Variants in HERC4 observed in about 807,000 individuals in gnomAD.
The protein encoded by HERC4 is probable E3 ubiquitin-protein ligase HERC4.
In HERC4, 28 loss-of-function variants were observed where a neutral mutation model predicts 124.3. That is an observed-to-expected ratio of 0.23 (90% CI 0.17 to 0.31). HERC4 has a LOEUF of 0.31. Among genes scored for constraint, HERC4 ranks in the 10% least tolerant of loss-of-function variants. The pLI is 1.00. For synonymous variants in HERC4, 407 were observed against 421.5 expected (o/e 0.97, Z 0.42); for missense variants, 713 against 1,229.3 (o/e 0.58, Z 6.28).
chr10:67,926,424 A>AT (rs2030964508), intron 23 of HERC4, among the ~76,000 whole-genome samples: 1 of 149,304 alleles, frequency 6.7e-6, no homozygotes, highest in African/African-American at 2.4e-5. Context: ...AATAAAAAAA[A>AT]AAAAAAACAA....
chr10:68,060,036 T>C (rs1279512537), intron 3 of HERC4, among the ~76,000 whole-genome samples: 1 of 147,418 alleles, frequency 6.8e-6, no homozygotes, highest in African/African-American at 2.5e-5. Flanking sequence ...TCAGCTTTAA[T>C]TTCAACTTTG....
At position 67,988,663 on chromosome 10, in the gene HERC4, C is replaced by G; in HGVS notation, c.1806G>C (p.Arg602Ser). 1 of 1,542,228 alleles carries G rather than the reference C, an allele frequency of 6.5e-7. No homozygotes were observed. Among genetic ancestry groups the G allele is most frequent in the Non-Finnish European group, 8.8e-7 (1 of 1,135,074 alleles). ...AAAATAAAGGAATGATTGGACATAC[C>G]CTATGTAGTATTTCTAAAACCTTTA... ...TALKVLEILH[R>S]VNEKMGQIIQ... Residue 602 changes from arginine to serine, a missense_variant and splice_region_variant, in exon 15 of 25, where the codon AGG becomes AGC. Coordinates refer to ENST00000373700, the MANE Select transcript of HERC4 (RefSeq NM_015601.4).
chr10:67,941,380 ATAT>A (rs2032876501), intron 19 of HERC4, among the ~76,000 whole-genome samples: 1 of 152,156 alleles, frequency 6.6e-6, no homozygotes, highest in Admixed American at 6.5e-5. Context: ...AGACATAAGC[ATAT>A]TCATGTCATT....
chr10:67,970,808 T>A (rs1044576334), intron 15 of HERC4, among the ~76,000 whole-genome samples: 2 of 151,810 alleles, frequency 1.3e-5, no homozygotes, highest in Non-Finnish European at 2.9e-5. Context: ...ATGATCATAT[T>A]AGAAATAAAG....
chr10:67,952,196 C>A (rs2033840189), intron 19 of HERC4, among the ~76,000 whole-genome samples: 1 of 152,186 alleles, frequency 6.6e-6, no homozygotes, highest in Non-Finnish European at 1.5e-5. Flanking sequence ...TAATAACTCC[C>A]TTGCCTTTTA....
At chr10:68,067,459 T>C (rs887666448) in intron 3 of HERC4, among the ~76,000 whole-genome samples, 4 of 152,354 alleles carry the variant, frequency 2.6e-5, no homozygotes, top group Admixed American at 1.3e-4. Context: ...ATGAGCTTCT[T>C]TGGTTTAAAT....
chr10:68,049,525 A>T (rs1333138600), intron 3 of HERC4, among the ~76,000 whole-genome samples: 1 of 125,732 alleles, frequency 8.0e-6, no homozygotes, highest in Non-Finnish European at 1.6e-5. Flanking sequence ...CAGGAGGCAG[A>T]GGTTGCAGTG....
At chr10:68,040,503 T>C (rs997398295) in intron 4 of HERC4, 1 of 696,352 alleles carries the variant, frequency 1.4e-6, no homozygotes, top group Non-Finnish European at 1.8e-6. Flanking sequence ...ATAAATTTGT[T>C]AGAACTCATC....
chr10:68,072,719 C>T (rs1297258158), intron 3 of HERC4, among the ~76,000 whole-genome samples, 164 bp downstream of exon 3: 1 of 152,000 alleles, frequency 6.6e-6, no homozygotes, highest in Non-Finnish European at 1.5e-5. Context: ...ACATAAAGTA[C>T]TTAGAACCAT....
Position 67,992,719 on chromosome 10 carries a change from T to A in HERC4, c.1070-37A>T, listed in dbSNP as rs191397635. ...ATGTAAAAAATTAAAAGCCAAGATT[T>A]ACATAACATATTTCAGAGCATCAAT... is the stretch of plus-strand genomic sequence containing the variant. On this transcript the variant is annotated intron_variant, in intron 9 of 24. Transcript: ENST00000373700. The A allele has an allele frequency of 1.2e-3, 1,285 of 1,038,486 alleles. 2 individuals carry two copies. The highest frequency in any genetic ancestry group is 1.6e-3 in the Non-Finnish European group (1,127 of 695,742). The allele number at this position is 1,038,486 out of a possible 1,614,324, so 64.3% of individuals were successfully genotyped here.
chr10:67,923,126 A>G lies in HERC4; in HGVS notation c.2955T>C (p.Gly985=). Residue 985 remains glycine (G), a synonymous_variant, in exon 25 of 25, where the codon GGT becomes GGC. Coordinates refer to ENST00000373700, the MANE Select transcript of HERC4 (RefSeq NM_015601.4). ...TACCAAGAATAGGAATGCGATCACT[A>G]CCTGTCAAAAATACTGCCAAGAAAG... ...KKKQFLLFLT[G]SDRIPILGMK... is the part of the protein sequence containing the mutation. 1 of 1,612,418 alleles carries G rather than the reference A, an allele frequency of 6.2e-7. No individual in the cohort carries two copies. Among genetic ancestry groups the G allele is most frequent in the Non-Finnish European group, 8.5e-7 (1 of 1,179,366 alleles).
At chr10:67,946,372 C>CACAT (rs1429793140) in intron 19 of HERC4, among the ~76,000 whole-genome samples, 1 of 150,902 alleles carries the variant, frequency 6.6e-6, no homozygotes, top group African/African-American at 2.4e-5. Context: ...CACACACACA[C>CACAT]ACACACACAC....
chr10:67,960,885 C>G, intron 16 of HERC4: 1 of 303,732 alleles, frequency 3.3e-6, no homozygotes, highest in Non-Finnish European at 6.3e-6. Flanking sequence ...GATAAATAGA[C>G]TGGCAAGCCT....
At chr10:68,042,172 T>A (rs144297137) in intron 4 of HERC4, among the ~76,000 whole-genome samples, 25 of 152,218 alleles carry the variant, frequency 1.6e-4, no homozygotes, top group African/African-American at 5.1e-4. Context: ...CCTGCCTGGC[T>A]AATTTTTTGT....
In HERC4 at chr10:67,988,804, T is replaced by G. The variant is rs762635669; in HGVS notation, c.1665A>C (p.Leu555=). Residue 555 remains leucine (L), a synonymous_variant, in exon 15 of 25, where the codon CTA becomes CTC. Coordinates refer to ENST00000373700, the MANE Select transcript of HERC4 (RefSeq NM_015601.4). Reference sequence around the variant, plus strand: ...TAAAAAGTTCTACTATCTTGAGGAATAGTGGAGGTTCAAGTACTGACCACC... The same window carrying G: ...TAAAAAGTTCTACTATCTTGAGGAAGAGTGGAGGTTCAAGTACTGACCACC... The part of the protein sequence containing the change: ...ENWWSVLEPP[L]FLKIVELFKE... 5 of 1,605,620 alleles carry G rather than the reference T, an allele frequency of 3.1e-6. No homozygotes were observed. In the Admixed American group the frequency reaches 6.9e-5, roughly 22 times the overall value.
At chr10:67,971,653 A>ACCACCC (rs1417709904) in intron 15 of HERC4, among the ~76,000 whole-genome samples, 1 of 146,168 alleles carries the variant, frequency 6.8e-6, no homozygotes, top group Admixed American at 6.8e-5. Flanking sequence ...AACCCATCTA[A>ACCACCC]CCACCCCCAC....
intron 3 of HERC4, among the ~76,000 whole-genome samples, chr10:68,066,738 T>C (rs1300315819): frequency 6.6e-6 from 1 of 152,188 alleles, no homozygotes; most frequent in Admixed American, 6.5e-5. Context: ...CAAGGGGATA[T>C]ATACAATATA....
chr10:68,070,245 C>T lies in HERC4; in HGVS notation c.226+2638G>A, dbSNP rs899965657. On this transcript the variant is annotated intron_variant, in intron 3 of 24. Coordinates refer to ENST00000373700, the MANE Select transcript of HERC4 (RefSeq NM_015601.4). ...TTGGGGAAATGACACAAATCATTAACGAATTATTCCAAATATAAATAACTT... is the reference window on the plus strand; with the variant it reads ...TTGGGGAAATGACACAAATCATTAATGAATTATTCCAAATATAAATAACTT... The T allele has an allele frequency of 1.2e-5, 12 of 977,364 alleles. No homozygotes were observed. The East Asian group carries it at 6.8e-4, about 56-fold the overall frequency. 60.5% of individuals were successfully genotyped at this position (977,364 alleles called of 1,614,324 possible).
chr10:68,050,953 C>A (rs1411065585), intron 3 of HERC4, among the ~76,000 whole-genome samples: 1 of 152,040 alleles, frequency 6.6e-6, no homozygotes, highest in African/African-American at 2.4e-5. Context: ...CATGCCAAAT[C>A]TAACAGCTAA....
Sources: gnomAD v4.1 joint callset for allele counts (sites outside exome capture counted in the v4.1 genomes callset) on GRCh38, gnomAD v4.1.1 for gene constraint, MANE v1.5 for transcripts, NCBI Gene and HGNC (gene_info 2026-07-23, HGNC 2026-07-21) for gene names.